POLD1: variants seen among roughly 807,000 people sequenced by gnomAD.
The protein encoded by POLD1 is DNA polymerase delta catalytic subunit.
A neutral mutation model predicts 129.7 loss-of-function variants in POLD1; 79 were observed. The ratio of observed to expected loss-of-function variants is 0.61; its 90% CI spans 0.51 to 0.73. The LOEUF is 0.73. Among genes scored for constraint, POLD1 ranks in the 30% least tolerant of loss-of-function variants. The probability of loss-of-function intolerance (pLI) is 0.00; values close to 1 mark genes in which losing one functional copy is unlikely to be tolerated. For missense variants in POLD1, 1,338 were observed against 1,595.8 expected, an observed-to-expected ratio of 0.84 and a Z score of 2.75; for synonymous variants, 714 against 683.3, an observed-to-expected ratio of 1.04 and a Z score of -0.70.
chr19:50,408,449 A>G (rs1309718399), intron 14 of POLD1, among the ~76,000 whole-genome samples: 4 of 152,026 alleles, frequency 2.6e-5, no homozygotes, highest in African/African-American at 7.2e-5. Flanking sequence ...GTGCGGTGGC[A>G]TGATCTTGGC....
At position 50,409,231 on chromosome 19, in the gene POLD1, A is replaced by C; in HGVS notation, c.2002A>C (p.Lys668Gln). 1 of 1,601,282 alleles carries C rather than the reference A, an allele frequency of 6.2e-7. No individual in the cohort carries two copies. The highest frequency in any genetic ancestry group is 8.6e-7 in the Non-Finnish European group (1 of 1,168,580). ...QILENLLSAR[K>Q]RAKAELAKET... ...CCTGGAGAACCTGCTCAGTGCCCGG[A>C]AGAGGTGAGCCCTGGAGATCGCCTG... is the stretch of plus-strand genomic sequence containing the variant. Residue 668 changes from lysine (K) to glutamine (Q), a missense_variant, in exon 16 of 27, where the codon AAG becomes CAG. Around this residue, in one of 3 missense-constraint regions of POLD1, gnomAD observed 720 missense variants for 1,002.6 expected, o/e 0.72. Transcript: ENST00000440232. The surrounding 1 kb of genome is among the most constrained non-coding windows in gnomAD (Gnocchi z 5.8).
chr19:50,416,912 T>C, intron 24 of POLD1, 133 bp from the exon 25 acceptor site: 1 of 1,148,076 alleles, frequency 8.7e-7, no homozygotes, highest in Non-Finnish European at 1.2e-6. Flanking sequence ...CCAGGGGAGT[T>C]TTCCCAGCAC....
chr19:50,405,860 C>T (rs982495994), intron 10 of POLD1, among the ~76,000 whole-genome samples: 25 of 152,194 alleles, frequency 1.6e-4, no homozygotes, highest in African/African-American at 6.0e-4. Flanking sequence ...CACCTGGCCG[C>T]CTGCTCACAG....
chr19:50,399,320 CG>C lies in POLD1; in HGVS notation c.203-47del, dbSNP rs1399805605. On this transcript the variant is annotated intron_variant, in intron 2 of 26. Transcript: ENST00000440232. ...TTTCAGAACCACATGCCATCCTGGCCGGGGAAGACCATGACTCCATGTACTC... is the reference window on the plus strand; with the variant it reads ...TTTCAGAACCACATGCCATCCTGGCCGGGAAGACCATGACTCCATGTACTC... 5 of 1,446,684 alleles carry C rather than the reference CG, an allele frequency of 3.5e-6. No individual in the cohort carries two copies. In the Admixed American group the frequency reaches 8.5e-5, roughly 25 times the overall value. The allele number at this position is 1,446,684 out of a possible 1,614,324, so 89.6% of individuals were successfully genotyped here. A position where few individuals can be genotyped will look rare whatever the true frequency, so the allele number is the denominator to read the frequency against.
Position 50,413,471 on chromosome 19 carries a change from C to G in POLD1, c.2200C>G (p.Leu734Val), listed in dbSNP as rs2122438505. The G allele has an allele frequency of 6.2e-7, 1 of 1,613,186 alleles. No individual in the cohort carries two copies. The highest frequency in any genetic ancestry group is 8.5e-7 in the Non-Finnish European group (1 of 1,179,510). Residue 734 changes from leucine (L) to valine (V), a missense_variant, in exon 18 of 27, where the codon CTG becomes GTG. Physicochemically the swap from Leu to Val is conservative, Grantham distance 32. Around this residue, in one of 3 missense-constraint regions of POLD1, gnomAD observed 720 missense variants for 1,002.6 expected, o/e 0.72. Coordinates refer to ENST00000440232, the MANE Select transcript of POLD1 (RefSeq NM_002691.4). ...TCAGATGATCGAGAAAACCAAGCAG[C>G]TGGTGGAGTCTAAGTACACAGTGGA... ...GRQMIEKTKQLVESKYTVENG... is the reference protein window; with the variant it reads ...GRQMIEKTKQVVESKYTVENG...
intron 1 of POLD1, among the ~76,000 whole-genome samples, chr19:50,391,406 C>T (rs926851151): frequency 1.2e-4 from 19 of 152,008 alleles, no homozygotes; most frequent in African/African-American, 3.9e-4. Flanking sequence ...AGCCTGGGCA[C>T]CATTGAGCAC....
chr19:50,400,607 A>G (rs1247555456), intron 3 of POLD1, among the ~76,000 whole-genome samples: 1 of 131,734 alleles, frequency 7.6e-6, no homozygotes, highest in Non-Finnish European at 1.5e-5. Flanking sequence ...ATCATGGTTC[A>G]CTGTAACCTC....
chr19:50,405,965 G>C (rs750980579), intron 10 of POLD1, among the ~76,000 whole-genome samples: 1 of 151,984 alleles, frequency 6.6e-6, no homozygotes, highest in Non-Finnish European at 1.5e-5. Context: ...CCTGACTCTC[G>C]CTATCCCAGC....
In POLD1 at chr19:50,396,939, AC is replaced by A. The variant is rs201551091; in HGVS notation, c.-1-1911del. Among the ~76,000 whole-genome samples, 1,178 of 147,400 alleles carry A rather than the reference AC, an allele frequency of 8.0e-3. 12 individuals are homozygous for A. The highest frequency in any genetic ancestry group is 0.028 in the African/African-American group (1,127 of 40,048). On this transcript the variant is annotated intron_variant, in intron 1 of 26. Transcript: ENST00000440232. Reference sequence around the variant, plus strand: ...GGCGAAACCCTGTCTCTACTAAAATACAAAAATTAGCCAGGCATGGTGGTGG... The same window carrying A: ...GGCGAAACCCTGTCTCTACTAAAATAAAAAATTAGCCAGGCATGGTGGTGG...
intron 17 of POLD1, among the ~76,000 whole-genome samples, chr19:50,410,399 C>A (rs548988399): frequency 6.6e-6 from 1 of 152,034 alleles, no homozygotes; most frequent in African/African-American, 2.4e-5. Context: ...CTGGGCACTG[C>A]GCCACTTTTC....
At chr19:50,401,385 A>G (rs1490129402) in intron 3 of POLD1, among the ~76,000 whole-genome samples, 6 of 58,288 alleles carry the variant, frequency 1.0e-4, no homozygotes, top group African/African-American at 4.0e-4. Context: ...ATATATATAT[A>G]TATATATTTT....
chr19:50,394,636 CGAGT>C (rs934146063), intron 1 of POLD1, among the ~76,000 whole-genome samples: 1 of 151,746 alleles, frequency 6.6e-6, no homozygotes, highest in Admixed American at 6.6e-5. Context: ...CCTGTGTGAC[CGAGT>C]GAGACTCCGT....
intron 22 of POLD1, 125 bp downstream of exon 22, chr19:50,415,951 C>T (rs920338312): frequency 4.4e-6 from 3 of 685,692 alleles, no homozygotes; most frequent in South Asian, 3.8e-5. Context: ...GAACCGCCCC[C>T]CATGGCAGCC....
At chr19:50,414,472 A>C (rs1180254799) in intron 19 of POLD1, among the ~76,000 whole-genome samples, 2 of 152,188 alleles carry the variant, frequency 1.3e-5, no homozygotes, top group Admixed American at 1.3e-4. Context: ...CAGAGTGGGG[A>C]GGTCTCTGCC....
intron 1 of POLD1, chr19:50,387,665 G>C (rs929004351): frequency 6.5e-6 from 1 of 152,714 alleles, no homozygotes; most frequent in Non-Finnish European, 1.5e-5. Flanking sequence ...TCCAGCTTCA[G>C]CACTGACTCT....
At position 50,384,410 on chromosome 19, in the gene POLD1, G is replaced by A. The variant is rs552474027; in HGVS notation, c.-2+20G>A. On this transcript the variant is annotated intron_variant, in intron 1 of 26. Transcript: ENST00000440232. ...AAGCGGGTGAGTAGAGGGGAAAAAG[G>A]GAGTTCGGGGCAGTGGGCCTGGTAG... is the stretch of plus-strand genomic sequence containing the variant. 2 of 152,732 alleles carry A rather than the reference G, an allele frequency of 1.3e-5. No homozygotes were observed. The highest frequency in any genetic ancestry group is 4.8e-5 in the African/African-American group (2 of 41,584). The allele number at this position is 152,732 out of a possible 1,614,324, so 9.5% of individuals were successfully genotyped here.
rs1181610918 is a variant in POLD1, at chr19:50,407,370, G to A, written c.1730G>A (p.Gly577Asp). 6.2e-7 allele frequency: 1 copy of A among 1,612,648 alleles called. No homozygotes were observed. The highest frequency in any genetic ancestry group is 1.3e-5 in the African/African-American group (1 of 74,800). Residue 577 changes from glycine to aspartate, a missense_variant, in exon 14 of 27, where the codon GGC (glycine) becomes GAC (aspartate). Around this residue, in one of 3 missense-constraint regions of POLD1, gnomAD observed 720 missense variants for 1,002.6 expected, o/e 0.72. Transcript: ENST00000440232. ...CTGATGCCCGTGGTGAAGTCAGAGG[G>A]CGGCGAGGACTACACGGGAGCCACT... is the stretch of plus-strand genomic sequence containing the variant. ...GLLMPVVKSE[G>D]GEDYTGATVI...
intron 22 of POLD1, chr19:50,416,138 A>T: frequency 1.7e-6 from 1 of 573,646 alleles, no homozygotes; most frequent in Non-Finnish European, 3.1e-6. Context: ...TCTTAGCCCC[A>T]TGACCTCTGA....
rs1601198466 is a variant in POLD1 at position 50,401,829 on chromosome 19, C to T, written c.368C>T (p.Pro123Leu). ...GGPPPSRGSV[P>L]VLRAFGVTDE... ...CCCCCACCATCCCGCGGCTCCGTGC[C>T]TGTGCTCCGCGCCTTCGGGGTCACC... Residue 123 changes from proline to leucine, a missense_variant, in exon 4 of 27, where the codon CCT becomes CTT. Pro to Leu is a moderately conservative substitution (Grantham distance 98). This residue lies in a region of POLD1 where 332 missense variants were observed against 315.7 expected (regional missense o/e 1.05). Transcript: ENST00000440232. 6.2e-7 allele frequency: 1 copy of T among 1,613,868 alleles called. No individual in the cohort carries two copies. Among genetic ancestry groups the T allele is most frequent in the Non-Finnish European group, 8.5e-7 (1 of 1,179,926 alleles).
Sources: gnomAD v4.1 joint callset for allele counts (sites outside exome capture counted in the v4.1 genomes callset) on GRCh38, gnomAD v4.1.1 for gene constraint, gnomAD v4.1.1 regional missense constraint, Gnocchi (gnomAD v3.1) non-coding constraint, MANE v1.5 for transcripts, NCBI Gene and HGNC (gene_info 2026-07-23, HGNC 2026-07-21) for gene names.